Variants in LRP1B observed in about 807,000 individuals in gnomAD.
LRP1B encodes the protein LDL receptor related protein 1B.
In LRP1B, 217 loss-of-function variants were observed where a neutral mutation model predicts 556.6. The ratio of observed to expected loss-of-function variants is 0.39; its 90% CI spans 0.35 to 0.44. The LOEUF is 0.44. LRP1B is among the 20% of genes least tolerant of loss of function. The pLI, the probability that LRP1B is intolerant of heterozygous loss-of-function variation, is 1.00. For missense variants in LRP1B, 5,053 were observed against 5,620.8 expected (o/e 0.90, Z 3.23); for synonymous variants, 2,047 against 1,865.8 (o/e 1.10, Z -2.50).
intron 1 of LRP1B, among the ~76,000 whole-genome samples, chr2:142,063,745 C>T (rs891184861): frequency 6.6e-6 from 1 of 151,546 alleles, no homozygotes; most frequent in African/African-American, 2.4e-5. Flanking sequence ...CATTCCAATA[C>T]TCTAAAATTA....
At chr2:141,391,836 C>A (rs1401349845) in intron 3 of LRP1B, among the ~76,000 whole-genome samples, 2 of 152,082 alleles carry the variant, frequency 1.3e-5, no homozygotes. Flanking sequence ...AATAAAAAAC[C>A]TTTGTAAATT....
chr2:141,763,582 T>G (rs6736689), intron 2 of LRP1B, among the ~76,000 whole-genome samples: 20,255 of 152,144 alleles, frequency 0.13, 1,476 homozygotes, highest in Non-Finnish European at 0.16. Context: ...GTTAATGTTT[T>G]GTTTGTTATG....
At position 141,392,672 on chromosome 2, in the gene LRP1B, A is replaced by G. The variant is rs1270662167; in HGVS notation, c.343+87724T>C. ...GCCCAAAATGGGGATTTATTTTGAG[A>G]CTGTCTTTAATCTCACTGGTATTTT... On this transcript the variant is annotated intron_variant, in intron 3 of 90. Coordinates refer to ENST00000389484, the MANE Select transcript of LRP1B (RefSeq NM_018557.3). Among the ~76,000 whole-genome samples, 47 of 152,126 alleles carry G rather than the reference A, an allele frequency of 3.1e-4. 1 individual carries two copies. Among genetic ancestry groups the G allele is most frequent in the Admixed American group, 3.1e-3 (47 of 15,252 alleles).
At chr2:141,282,561 A>T (rs1287627973) in intron 3 of LRP1B, among the ~76,000 whole-genome samples, 1 of 151,702 alleles carries the variant, frequency 6.6e-6, no homozygotes, top group Non-Finnish European at 1.5e-5. Context: ...ATATACAGGT[A>T]TATAATAGGT....
intron 7 of LRP1B, 139 bp downstream of exon 7, chr2:141,188,282 G>T: frequency 3.8e-6 from 3 of 790,578 alleles, no homozygotes; most frequent in East Asian, 2.7e-5. Flanking sequence ...TTTCCTTCCT[G>T]CGACACAGTT....
chr2:140,592,498 C>A (rs1037178237), intron 43 of LRP1B, among the ~76,000 whole-genome samples: 3 of 151,588 alleles, frequency 2.0e-5, no homozygotes, highest in African/African-American at 7.3e-5. Context: ...TTGGTGATAG[C>A]AAATGGTTTT....
intron 66 of LRP1B, among the ~76,000 whole-genome samples, chr2:140,436,489 C>T (rs1271835847): frequency 6.6e-6 from 1 of 151,982 alleles, no homozygotes; most frequent in Non-Finnish European, 1.5e-5. Context: ...CACAGAATGT[C>T]ATTAACTGTT....
intron 66 of LRP1B, among the ~76,000 whole-genome samples, chr2:140,393,130 A>T (rs888870853): frequency 6.9e-6 from 1 of 144,360 alleles, no homozygotes; most frequent in Non-Finnish European, 1.5e-5. Context: ...GATGGAGTCT[A>T]AGTTTCCCAT....
chr2:140,297,077 A>AGG (rs1006081228), intron 84 of LRP1B, among the ~76,000 whole-genome samples: 6 of 152,072 alleles, frequency 3.9e-5, no homozygotes, highest in Non-Finnish European at 7.4e-5. Flanking sequence ...AGTAGCCAAG[A>AGG]GGGAGGGGTC....
chr2:141,909,996 A>T (rs6429930), intron 1 of LRP1B, among the ~76,000 whole-genome samples: 130,436 of 151,968 alleles, frequency 0.86, 56,150 homozygotes, highest in East Asian at 1. Flanking sequence ...ATTCTACTTA[A>T]GTAGATATCA....
At chr2:141,145,290 C>T (rs529076996) in intron 7 of LRP1B, among the ~76,000 whole-genome samples, 16 of 152,122 alleles carry the variant, frequency 1.1e-4, no homozygotes, top group East Asian at 9.7e-4. Flanking sequence ...CTTAGTTCTA[C>T]GTGTGCTAAT....
At chr2:140,782,693 A>C (rs1210428488) in intron 32 of LRP1B, among the ~76,000 whole-genome samples, 1 of 152,210 alleles carries the variant, frequency 6.6e-6, no homozygotes, top group Non-Finnish European at 1.5e-5. Flanking sequence ...GATAATTAAC[A>C]TAAATATAAA....
At chr2:141,868,182 G>A (rs1470414124) in intron 1 of LRP1B, among the ~76,000 whole-genome samples, 3 of 151,806 alleles carry the variant, frequency 2.0e-5, no homozygotes, top group African/African-American at 2.4e-5. Context: ...GGTAACTACC[G>A]CAAAAGTGTT....
intron 3 of LRP1B, among the ~76,000 whole-genome samples, chr2:141,414,228 A>G (rs561164563): frequency 8.8e-4 from 124 of 141,314 alleles, no homozygotes; most frequent in African/African-American, 3.0e-3. Context: ...CAAGAGTGAG[A>G]CTCTATCTCA....
intron 2 of LRP1B, among the ~76,000 whole-genome samples, chr2:141,559,485 A>AT (rs1686069665): frequency 6.6e-6 from 1 of 151,800 alleles, no homozygotes; most frequent in African/African-American, 2.4e-5. Flanking sequence ...ATCACATCCC[A>AT]TTAAAAATGA....
At chr2:142,092,828 A>G (rs1469599008) in intron 1 of LRP1B, among the ~76,000 whole-genome samples, 1 of 152,124 alleles carries the variant, frequency 6.6e-6, no homozygotes, top group Non-Finnish European at 1.5e-5. Context: ...TTCTATTTTC[A>G]GTTTTCCTTG....
At chr2:141,425,475 G>T (rs1251593705) in intron 3 of LRP1B, among the ~76,000 whole-genome samples, 1 of 151,536 alleles carries the variant, frequency 6.6e-6, no homozygotes, top group Non-Finnish European at 1.5e-5. Context: ...TCCAGTTCTA[G>T]ATCACTGAGG....
chr2:140,916,684 T>TC (rs1694589203), intron 21 of LRP1B, among the ~76,000 whole-genome samples: 1 of 152,140 alleles, frequency 6.6e-6, no homozygotes, highest in Non-Finnish European at 1.5e-5. Flanking sequence ...AGAAAGGTAG[T>TC]CAAAGAAAGG....
chr2:141,035,993 A>G (rs1476132015), intron 11 of LRP1B, among the ~76,000 whole-genome samples: 1 of 152,138 alleles, frequency 6.6e-6, no homozygotes, highest in Non-Finnish European at 1.5e-5. Flanking sequence ...AACTATAAAC[A>G]TTCAGAGCTC....
Sources: gnomAD v4.1 joint callset for allele counts (sites outside exome capture counted in the v4.1 genomes callset) on GRCh38, gnomAD v4.1.1 for gene constraint, MANE v1.5 for transcripts, NCBI Gene and HGNC (gene_info 2026-07-23, HGNC 2026-07-21) for gene names.